Variants in FRMD5 observed in about 807,000 individuals in gnomAD.
FRMD5 encodes the protein FERM domain containing 5, also known as FERM domain-containing protein 5.
A neutral mutation model predicts 69.0 loss-of-function variants in FRMD5; 20 were observed. The ratio of observed to expected loss-of-function variants is 0.29; its 90% confidence interval spans 0.20 to 0.42. The LOEUF (loss-of-function observed/expected upper bound fraction) is 0.42, where lower values mean the gene tolerates loss of function less well. Ranked by LOEUF, FRMD5 falls within the 10% of genes least tolerant of loss-of-function variation. FRMD5 has a pLI of 1.00. For missense variants in FRMD5, 595 were observed against 708.6 expected, an observed-to-expected ratio of 0.84 and a Z score of 1.82; for synonymous variants, 271 against 260.1, an observed-to-expected ratio of 1.04 and a Z score of -0.40.
chr15:43,938,103 C>A (rs1388337644), intron 1 of FRMD5, among the ~76,000 whole-genome samples: 1 of 151,628 alleles, frequency 6.6e-6, no homozygotes, highest in Non-Finnish European at 1.5e-5. Flanking sequence ...CGGTGGCGGG[C>A]GCTTGTAGTC....
chr15:44,125,146 A>G (rs1566959321), intron 1 of FRMD5, among the ~76,000 whole-genome samples: 1 of 152,170 alleles, frequency 6.6e-6, no homozygotes, highest in Non-Finnish European at 1.5e-5. Context: ...AAACTAGGAA[A>G]GAATAACTAG....
chr15:44,037,895 G>C (rs1220622031), intron 1 of FRMD5, among the ~76,000 whole-genome samples: 2 of 152,102 alleles, frequency 1.3e-5, no homozygotes, highest in Non-Finnish European at 2.9e-5. Flanking sequence ...CTTCCACAAT[G>C]GTTGAACTAA....
chr15:43,888,345 G>T, intron 9 of FRMD5, 79 bp from the exon 10 acceptor site: 1 of 946,030 alleles, frequency 1.1e-6, no homozygotes, highest in South Asian at 1.5e-5. Flanking sequence ...CCTGACCCCA[G>T]AGCTGTTAGA....
chr15:43,906,282 G>A (rs144179586), intron 5 of FRMD5, among the ~76,000 whole-genome samples: 150 of 152,336 alleles, frequency 9.8e-4, no homozygotes, highest in South Asian at 3.3e-3. Flanking sequence ...GCCATGAGAA[G>A]ATGGTCTGGG....
At chr15:44,072,780 G>A (rs992363646) in intron 1 of FRMD5, among the ~76,000 whole-genome samples, 3 of 151,928 alleles carry the variant, frequency 2.0e-5, no homozygotes, top group Non-Finnish European at 2.9e-5. Context: ...ATTTGCGCTA[G>A]CAATAAAAAA....
chr15:43,960,554 T>G (rs1410465605), intron 1 of FRMD5, among the ~76,000 whole-genome samples: 1 of 152,124 alleles, frequency 6.6e-6, no homozygotes, highest in Admixed American at 6.5e-5. Context: ...TGGCCTAATT[T>G]TGTGTTTTCA....
intron 1 of FRMD5, among the ~76,000 whole-genome samples, chr15:43,956,640 TA>T (rs1351874563): frequency 6.6e-6 from 1 of 152,240 alleles, no homozygotes; most frequent in African/African-American, 2.4e-5. Context: ...CTCTAAAATG[TA>T]ATTGCCTATA....
intron 13 of FRMD5, among the ~76,000 whole-genome samples, chr15:43,877,997 A>AT (rs1378647819): frequency 2.0e-5 from 3 of 152,044 alleles, no homozygotes; most frequent in Admixed American, 1.3e-4. Context: ...TTTTGTTATA[A>AT]TTTTTTTAAA....
At position 43,963,625 on chromosome 15, in the gene FRMD5, T is replaced by C. The variant is rs546670413; in HGVS notation, c.103-39316A>G. Among the ~76,000 whole-genome samples the C allele has an allele frequency of 2.6e-5, 4 of 152,272 alleles. No individual in the cohort carries two copies. The South Asian group carries it at 6.2e-4, about 24-fold the overall frequency. On this transcript the variant is annotated intron_variant, in intron 1 of 13. Transcript: ENST00000417257. ...ATGCACACGTATGTTTATTGCGGCA[T>C]TATTCACAATAGCAAAGACTTGGAA...
chr15:44,183,704 C>T (rs377497382), intron 1 of FRMD5, among the ~76,000 whole-genome samples: 1 of 152,060 alleles, frequency 6.6e-6, no homozygotes, highest in Non-Finnish European at 1.5e-5. Context: ...AGATCTCAGC[C>T]GGCGCGGTGG....
intron 1 of FRMD5, among the ~76,000 whole-genome samples, chr15:44,106,454 T>C (rs1409118716): frequency 1.3e-5 from 2 of 152,198 alleles, no homozygotes; most frequent in Non-Finnish European, 2.9e-5. Flanking sequence ...CCTGTACATA[T>C]TGCACTCTTT....
At chr15:43,981,249 C>G (rs1469702751) in intron 1 of FRMD5, among the ~76,000 whole-genome samples, 1 of 152,130 alleles carries the variant, frequency 6.6e-6, no homozygotes, top group Non-Finnish European at 1.5e-5. Context: ...CGTGAACCAC[C>G]TCACCTTAAC....
At chr15:44,045,663 A>T (rs1001885776) in intron 1 of FRMD5, among the ~76,000 whole-genome samples, 5 of 152,216 alleles carry the variant, frequency 3.3e-5, no homozygotes, top group Non-Finnish European at 7.3e-5. Context: ...CTAATATAGA[A>T]GGAGGAGAAA....
intron 1 of FRMD5, among the ~76,000 whole-genome samples, chr15:43,956,515 T>G (rs1425698784): frequency 1.3e-5 from 2 of 152,162 alleles, no homozygotes; most frequent in African/African-American, 2.4e-5. Flanking sequence ...GCTCTAGTGT[T>G]CAACATCTTA....
chr15:43,939,729 G>A (rs2140484579), intron 1 of FRMD5, among the ~76,000 whole-genome samples: 1 of 152,086 alleles, frequency 6.6e-6, no homozygotes, highest in East Asian at 1.9e-4. Flanking sequence ...AGCTAATGTT[G>A]GTTTGTTTTT....
At chr15:44,147,969 G>A (rs2077381835) in intron 1 of FRMD5, among the ~76,000 whole-genome samples, 1 of 152,142 alleles carries the variant, frequency 6.6e-6, no homozygotes, top group South Asian at 2.1e-4. Context: ...AGTGCTGATT[G>A]CTGCTTCTGA....
intron 1 of FRMD5, among the ~76,000 whole-genome samples, chr15:43,964,742 C>G (rs569488975): frequency 7.8e-4 from 119 of 152,146 alleles, no homozygotes; most frequent in Non-Finnish European, 1.4e-3. Context: ...TCTGCCTAGT[C>G]TTATATTCTC....
intron 10 of FRMD5, among the ~76,000 whole-genome samples, chr15:43,887,161 C>G (rs1037384340): frequency 6.6e-6 from 1 of 152,180 alleles, no homozygotes; most frequent in African/African-American, 2.4e-5. Flanking sequence ...AAAGGGAAAG[C>G]TTCCACATAT....
chr15:43,953,715 A>G (rs767510510), intron 1 of FRMD5, among the ~76,000 whole-genome samples: 2 of 152,218 alleles, frequency 1.3e-5, no homozygotes, highest in Admixed American at 1.3e-4. Context: ...AGAGAGTGAT[A>G]ACAGGTTTCC....
Sources: gnomAD v4.1 joint callset for allele counts (sites outside exome capture counted in the v4.1 genomes callset) on GRCh38, gnomAD v4.1.1 for gene constraint, MANE v1.5 for transcripts, NCBI Gene and HGNC (gene_info 2026-07-23, HGNC 2026-07-21) for gene names.